Variants in HR observed in about 807,000 individuals in gnomAD.
HR encodes the protein HR lysine demethylase and nuclear receptor corepressor, also known as lysine-specific demethylase hairless.
Under a neutral mutation model 128.6 loss-of-function variants are expected in HR, and 83 were observed. That is an observed-to-expected ratio of 0.65 (90% CI 0.54 to 0.77). HR has a LOEUF of 0.77. HR is among the 30% of genes least tolerant of loss of function. The pLI is 0.00. For missense variants in HR, 1,490 were observed against 1,574.6 expected (o/e 0.95, Z 0.91); for synonymous variants, 681 against 658.2 (o/e 1.03, Z -0.53).
At chr8:22,123,851 G>T in intron 5 of HR, 38 bp from the exon 6 acceptor site, 1 of 1,573,898 alleles carries the variant, frequency 6.4e-7, no homozygotes, top group Non-Finnish European at 8.6e-7. Context: ...GAGGGTGAAG[G>T]CAACAGGCCC....
chr8:22,130,195 G>A (rs932962007), intron 1 of HR, among the ~76,000 whole-genome samples: 3 of 152,258 alleles, frequency 2.0e-5, no homozygotes, highest in Non-Finnish European at 4.4e-5. Context: ...CCTTCGGCCA[G>A]AGCGACGAAG....
At chr8:22,123,259 G>A (rs1256847964) in intron 6 of HR, among the ~76,000 whole-genome samples, 1 of 152,238 alleles carries the variant, frequency 6.6e-6, no homozygotes, top group African/African-American at 2.4e-5. Context: ...CAGAAGACCT[G>A]AGTCTAAGTC....
In HR at chr8:22,128,775, C is replaced by T; in HGVS notation, c.396G>A (p.Lys132=). ...AGGGCCGGAAGGCCACAGGGTCACT[C>T]TTGAGATGGCCACCACTATGCTCAG... The part of the protein sequence containing the change: ...LMPEHSGGHL[K]SDPVAFRPWH... Residue 132 remains lysine, a synonymous_variant, in exon 2 of 19, where the codon AAG becomes AAA. Transcript: ENST00000381418. 1 of 1,609,912 alleles carries T rather than the reference C, an allele frequency of 6.2e-7. No homozygotes were observed. Among genetic ancestry groups the T allele is most frequent in the Middle Eastern group, 1.7e-4 (1 of 6,056 alleles).
intron 5 of HR, among the ~76,000 whole-genome samples, chr8:22,124,649 G>A (rs745744043): frequency 1.3e-5 from 2 of 152,208 alleles, no homozygotes; most frequent in Non-Finnish European, 2.9e-5. Context: ...ATGGGAATGC[G>A]GGAGAGCTTC....
Position 22,116,786 on chromosome 8 carries a change from A to T in HR, c.3378+89T>A. 2.0e-6 allele frequency: 3 copies of T among 1,463,914 alleles called. No homozygotes were observed. Among genetic ancestry groups the T allele is most frequent in the Non-Finnish European group, 9.2e-7 (1 of 1,081,124 alleles). The allele number at this position is 1,463,914 out of a possible 1,614,324, so 90.7% of individuals were successfully genotyped here. On this transcript the variant is annotated intron_variant, in intron 17 of 18. Transcript: ENST00000381418. The surrounding 1 kb of genome is among the most constrained non-coding windows in gnomAD (Gnocchi z 4.2). Reference sequence around the variant, plus strand: ...TCCCTGCCCTGCCCGGCTCTTGGGTATTGAGGGGATGTTGGATGCCTGCGG... The same window carrying T: ...TCCCTGCCCTGCCCGGCTCTTGGGTTTTGAGGGGATGTTGGATGCCTGCGG...
chr8:22,118,528 G>T (rs1433545333), intron 16 of HR: 1 of 238,720 alleles, frequency 4.2e-6, no homozygotes, highest in Non-Finnish European at 8.4e-6. Context: ...AGAGCATAGA[G>T]TAGTGACCTG....
chr8:22,119,895 C>T lies in HR; in HGVS notation c.2847-5G>A. 6.2e-7 allele frequency: 1 copy of T among 1,613,274 alleles called. No homozygotes were observed. Among genetic ancestry groups the T allele is most frequent in the Non-Finnish European group, 8.5e-7 (1 of 1,179,966 alleles). On this transcript the variant is annotated splice_polypyrimidine_tract_variant and splice_region_variant and intron_variant, in intron 13 of 18. Coordinates refer to ENST00000381418, the MANE Select transcript of HR (RefSeq NM_005144.5). ...CTGGCAGCTAGGTTCTCCACCCTGT[C>T]AGGGTAGGGGGTCATGCCCAGCAGG...
chr8:22,127,187 C>A lies in HR; in HGVS notation c.1255G>T (p.Val419Phe), dbSNP rs200451373. 1 of 1,612,976 alleles carries A rather than the reference C, an allele frequency of 6.2e-7. No homozygotes were observed. The highest frequency in any genetic ancestry group is 8.5e-7 in the Non-Finnish European group (1 of 1,180,006). The change falls in exon 3 of 19, where the codon GTC (valine) becomes TTC (phenylalanine). Residue 419 changes from valine to phenylalanine, a missense_variant. Around this residue, in one of 3 missense-constraint regions of HR, gnomAD observed 1,060 missense variants for 1,060.9 expected, o/e 1.00. Coordinates refer to ENST00000381418, the MANE Select transcript of HR (RefSeq NM_005144.5). ...GCTGGACTGCCCATTGCTCCCTGGA[C>A]CTCGGGGCTGCCTGCCCTTTTGAGG... ...RALKRAGSPE[V>F]QGAMGSPAPK...
At chr8:22,127,871 T>TGGG in intron 2 of HR, 42 bp from the exon 3 acceptor site, 1 of 1,573,716 alleles carries the variant, frequency 6.4e-7, no homozygotes, top group Non-Finnish European at 8.6e-7. Flanking sequence ...TGACTTGGGC[T>TGGG]CCCCATGCCT....
At chr8:22,121,775 T>TTGTTCATTCTTGTG in intron 8 of HR, 81 bp from the exon 9 acceptor site, 1 of 1,351,924 alleles carries the variant, frequency 7.4e-7, no homozygotes, top group Non-Finnish European at 1.1e-6. Flanking sequence ...CCCACAAGAA[T>TTGTTCATTCTTGTG]GAACAATGGA....
rs375913911 is a variant in HR, at chr8:22,121,086, G to A, written c.2346C>T (p.Pro782=). The change falls in exon 10 of 19, where the codon CCC becomes CCT. Residue 782 remains proline, a synonymous_variant. Coordinates refer to ENST00000381418, the MANE Select transcript of HR (RefSeq NM_005144.5). ...TCACACTGGGCAGGGCCGGAGTGACGGGGGCGAAGGCCATGTGTATTCGCT... is the reference window on the plus strand; with the variant it reads ...TCACACTGGGCAGGGCCGGAGTGACAGGGGCGAAGGCCATGTGTATTCGCT... The part of the protein sequence containing the change: ...GHERIHMAFA[P]VTPALPSDDR... 18 of 1,613,622 alleles carry A rather than the reference G, an allele frequency of 1.1e-5. No homozygotes were observed. The highest frequency in any genetic ancestry group is 8.0e-5 in the African/African-American group (6 of 74,942).
chr8:22,123,617 T>TGGGGGCGCC, intron 6 of HR, 32 bp downstream of exon 6: 5 of 292,092 alleles, frequency 1.7e-5, no homozygotes, highest in Non-Finnish European at 3.1e-5. Flanking sequence ...GAGGGCTCCA[T>TGGGGGCGCC]CCCGCCCTCC....
In HR at chr8:22,125,664, C is replaced by T. The variant is rs375568201; in HGVS notation, c.1474G>A (p.Ala492Thr). Residue 492 changes from alanine (A) to threonine (T), a missense_variant, in exon 4 of 19, where the codon GCA becomes ACA. Physicochemically the swap from Ala to Thr is moderately conservative, Grantham distance 58. Transcript: ENST00000381418. ...LQDIPCLALP[A>T]KLAQCQSCAQ... is the part of the protein sequence containing the mutation. ...CAACTTTGGCATTGAGCCAGTTTTG[C>T]AGGGAGAGCCAGGCATGGTATGTCC... The T allele has an allele frequency of 5.6e-6, 9 of 1,613,442 alleles. No homozygotes were observed. The African/African-American group carries it at 6.7e-5, about 12-fold the overall frequency.
rs1826737224 is a variant in HR at position 22,121,048 on chromosome 8, T to C, written c.2367+17A>G. On this transcript the variant is annotated intron_variant, in intron 10 of 18. Coordinates refer to ENST00000381418, the MANE Select transcript of HR (RefSeq NM_005144.5). ...TGGTCCCCTGGCTCCTAGCCCTCCC[T>C]CCGTGCCCTCACTCACACTGGGCAG... 2 of 1,613,188 alleles carry C rather than the reference T, an allele frequency of 1.2e-6. No homozygotes were observed. Among genetic ancestry groups the C allele is most frequent in the Admixed American group, 3.3e-5 (2 of 60,008 alleles).
At position 22,116,782 on chromosome 8, in the gene HR, G is replaced by T; in HGVS notation, c.3378+93C>A. On this transcript the variant is annotated intron_variant, in intron 17 of 18. Coordinates refer to ENST00000381418, the MANE Select transcript of HR (RefSeq NM_005144.5). The surrounding 1 kb of genome is among the most constrained non-coding windows in gnomAD (Gnocchi z 4.2). ...CGGCTCCCTGCCCTGCCCGGCTCTTGGGTATTGAGGGGATGTTGGATGCCT... is the reference window on the plus strand; with the variant it reads ...CGGCTCCCTGCCCTGCCCGGCTCTTTGGTATTGAGGGGATGTTGGATGCCT... 2 of 1,472,756 alleles carry T rather than the reference G, an allele frequency of 1.4e-6. No individual in the cohort carries two copies. Among genetic ancestry groups the T allele is most frequent in the Non-Finnish European group, 1.8e-6 (2 of 1,089,172 alleles). The allele number at this position is 1,472,756 out of a possible 1,614,324, so 91.2% of individuals were successfully genotyped here. A position where few individuals can be genotyped will look rare whatever the true frequency, so the allele number is the denominator to read the frequency against.
chr8:22,117,050 A>G lies in HR; in HGVS notation c.3214-11T>C. ...CCCGGCCGGGCACACCTCAAAGAAG[A>G]GAAGGGGGAATGAGCGAGATGGGGA... On this transcript the variant is annotated splice_polypyrimidine_tract_variant and intron_variant, in intron 16 of 18. Transcript: ENST00000381418. The G allele has an allele frequency of 6.8e-7, 1 of 1,480,734 alleles. No individual in the cohort carries two copies. The highest frequency in any genetic ancestry group is 2.4e-5 in the East Asian group (1 of 41,462). 91.7% of individuals were successfully genotyped at this position (1,480,734 alleles called of 1,614,324 possible).
intron 6 of HR, 32 bp downstream of exon 6, chr8:22,123,617 T>TTGGGGGGGGGCCC: frequency 3.4e-6 from 1 of 292,092 alleles, no homozygotes; most frequent in Non-Finnish European, 6.2e-6. Context: ...GAGGGCTCCA[T>TTGGGGGGGGGCCC]CCCGCCCTCC....
chr8:22,126,917 TG>T, intron 3 of HR, 119 bp downstream of exon 3: 1 of 981,164 alleles, frequency 1.0e-6, no homozygotes, highest in Non-Finnish European at 1.5e-6. Context: ...GTGATCCAGG[TG>T]GGAGCCTGAC....
intron 3 of HR, among the ~76,000 whole-genome samples, chr8:22,126,215 C>G (rs1826886119): frequency 6.6e-6 from 1 of 152,252 alleles, no homozygotes; most frequent in Non-Finnish European, 1.5e-5. Context: ...AATTCCCAGC[C>G]AGGGCAGAGG....
Sources: allele counts gnomAD v4.1 joint callset (sites outside exome capture counted in the v4.1 genomes callset), GRCh38; gene constraint gnomAD v4.1.1; regional missense constraint gnomAD v4.1.1; non-coding constraint Gnocchi (gnomAD v3.1); transcripts MANE v1.5; gene names NCBI Gene and HGNC (gene_info 2026-07-23, HGNC 2026-07-21).